The following PROM1 variants were observed in gnomAD, a reference collection of about 807,000 sequenced individuals.
PROM1 encodes the protein prominin-1.
Under a neutral mutation model 116.9 loss-of-function variants are expected in PROM1, and 105 were observed. The ratio of observed to expected loss-of-function variants is 0.90; its 90% CI spans 0.77 to 1.06. The LOEUF (loss-of-function observed/expected upper bound fraction) is 1.06, where lower values mean the gene tolerates loss of function less well. Ranked by LOEUF, PROM1 falls within the 50% of genes least tolerant of loss-of-function variation. The pLI is 0.00. For synonymous variants in PROM1, 393 were observed against 387.0 expected (o/e 1.02, Z -0.18); for missense variants, 1,122 against 1,045.2 (o/e 1.07, Z -1.01).
chr4:16,061,371 C>T (rs1020185258), intron 2 of PROM1, among the ~76,000 whole-genome samples: 10 of 152,216 alleles, frequency 6.6e-5, no homozygotes, highest in African/African-American at 2.4e-4. Context: ...TAGGAAGAAT[C>T]ATGTGTACTA....
chr4:16,019,325 G>C (rs1399856560), intron 8 of PROM1, among the ~76,000 whole-genome samples: 1 of 152,212 alleles, frequency 6.6e-6, no homozygotes, highest in East Asian at 1.9e-4. Flanking sequence ...TTTGAATTTT[G>C]AATTTTGAAC....
intron 15 of PROM1, 43 bp downstream of exon 15, chr4:15,998,342 A>G (rs772363470): frequency 1.3e-6 from 2 of 1,500,802 alleles, no homozygotes; most frequent in East Asian, 2.5e-5. Context: ...TTCCAGAAAA[A>G]GAACATCTTA....
intron 1 of PROM1, 171 bp downstream of exon 1, chr4:16,083,807 A>C (rs987060132): frequency 6.6e-6 from 1 of 151,438 alleles, no homozygotes; most frequent in African/African-American, 2.4e-5. Context: ...CCCGCCTCCC[A>C]CTGCCGGCCG....
chr4:16,037,308 G>A (rs1342529139), intron 3 of PROM1, among the ~76,000 whole-genome samples: 1 of 152,098 alleles, frequency 6.6e-6, no homozygotes, highest in African/African-American at 2.4e-5. Context: ...AGATATAAAT[G>A]AAGCCTGTGG....
At chr4:16,013,495 A>T (rs1373631530) in intron 10 of PROM1, among the ~76,000 whole-genome samples, 157 bp from the exon 11 acceptor site, 1 of 152,212 alleles carries the variant, frequency 6.6e-6, no homozygotes, top group African/African-American at 2.4e-5. Flanking sequence ...TCAAGAGTCT[A>T]AAAAAATCCC....
At chr4:15,996,749 T>C (rs906751560) in intron 15 of PROM1, among the ~76,000 whole-genome samples, 10 of 152,194 alleles carry the variant, frequency 6.6e-5, no homozygotes, top group African/African-American at 2.4e-4. Flanking sequence ...CGAATACTAC[T>C]AAGCTATATA....
intron 19 of PROM1, 62 bp from the exon 20 acceptor site, chr4:15,987,778 G>T: frequency 7.3e-7 from 1 of 1,366,988 alleles, no homozygotes; most frequent in Non-Finnish European, 1.0e-6. Context: ...CACATACCTT[G>T]TGTCCTCCCT....
At chr4:15,975,306 G>A (rs941138438) in intron 26 of PROM1, among the ~76,000 whole-genome samples, 22 of 152,042 alleles carry the variant, frequency 1.4e-4, no homozygotes, top group African/African-American at 5.1e-4. Flanking sequence ...TGCAACCTCC[G>A]CCTCCCGGGT....
chr4:16,054,612 A>G (rs147873099), intron 2 of PROM1, among the ~76,000 whole-genome samples: 1 of 152,314 alleles, frequency 6.6e-6, no homozygotes, highest in East Asian at 1.9e-4. Context: ...CTCATCTGTA[A>G]AATGAAGGTA....
At chr4:16,025,425 T>C in intron 5 of PROM1, 113 bp from the exon 6 acceptor site, 1 of 1,328,736 alleles carries the variant, frequency 7.5e-7, no homozygotes, top group Non-Finnish European at 1.0e-6. Context: ...AGGACTGGCC[T>C]TTCCTCTCCC....
At chr4:16,052,697 T>C (rs974176741) in intron 2 of PROM1, among the ~76,000 whole-genome samples, 5 of 152,196 alleles carry the variant, frequency 3.3e-5, no homozygotes, top group Admixed American at 6.5e-5. Context: ...CCTAGGTTGG[T>C]GTCAAACTCT....
chr4:15,980,043 G>T, intron 24 of PROM1, 139 bp from the exon 25 acceptor site: 2 of 630,384 alleles, frequency 3.2e-6, no homozygotes, highest in Non-Finnish European at 5.5e-6. Flanking sequence ...AAAGATAAGT[G>T]AAGTGAAAAA....
chr4:15,984,145 A>T, intron 23 of PROM1, 118 bp downstream of exon 23: 1 of 863,484 alleles, frequency 1.2e-6, no homozygotes, highest in South Asian at 1.7e-5. Context: ...AAAATATTAC[A>T]TTTTAGGTTT....
At chr4:16,066,026 C>T (rs534646915) in intron 2 of PROM1, among the ~76,000 whole-genome samples, 2 of 152,268 alleles carry the variant, frequency 1.3e-5, no homozygotes, top group South Asian at 2.1e-4. Context: ...GGCCAAGGAA[C>T]ATCTGGAGCC....
At chr4:16,028,319 A>G (rs904307379) in intron 5 of PROM1, among the ~76,000 whole-genome samples, 2 of 152,206 alleles carry the variant, frequency 1.3e-5, no homozygotes, top group African/African-American at 4.8e-5. Context: ...GCAGGGGGTC[A>G]TGGGAGCTGG....
chr4:15,973,186 C>A (rs188820272), intron 26 of PROM1, among the ~76,000 whole-genome samples: 82 of 152,174 alleles, frequency 5.4e-4, no homozygotes, highest in Non-Finnish European at 1.1e-3. Context: ...TCTGGCCAAG[C>A]GCAGTGGCTC....
At chr4:16,047,010 T>C (rs2149450612) in intron 2 of PROM1, among the ~76,000 whole-genome samples, 1 of 152,304 alleles carries the variant, frequency 6.6e-6, no homozygotes, top group East Asian at 1.9e-4. Flanking sequence ...AATATAGATA[T>C]TCAGAGACTT....
At chr4:16,008,825 A>G (rs1218782221) in intron 12 of PROM1, 124 bp downstream of exon 12, 1 of 897,336 alleles carries the variant, frequency 1.1e-6, no homozygotes, top group Non-Finnish European at 1.7e-6. Flanking sequence ...GTTAACATAT[A>G]TCAGGTCATG....
At chr4:16,041,759 TAAATAAATAAATAAATAAATAA>T (rs1357338427) in intron 2 of PROM1, among the ~76,000 whole-genome samples, 1 of 22,526 alleles carries the variant, frequency 4.4e-5, no homozygotes, top group African/African-American at 1.2e-4. Flanking sequence ...AATAAATAAA[TAAATAAATAAATAAATAAATAA>T]ATAAATATAT....
Sources: allele counts gnomAD v4.1 joint callset (sites outside exome capture counted in the v4.1 genomes callset), GRCh38; gene constraint gnomAD v4.1.1; transcripts MANE v1.5; gene names NCBI Gene and HGNC (gene_info 2026-07-23, HGNC 2026-07-21).